DPP6: variants seen among roughly 807,000 people sequenced by gnomAD.
DPP6 encodes A-type potassium channel modulatory protein DPP6.
A neutral mutation model predicts 122.6 loss-of-function variants in DPP6; 69 were observed. That is an observed-to-expected ratio of 0.56 (90% CI 0.46 to 0.69). The LOEUF (loss-of-function observed/expected upper bound fraction) is 0.69. DPP6 is among the 30% of genes least tolerant of loss of function. The pLI is 0.00. For synonymous variants in DPP6, 418 were observed against 433.1 expected (o/e 0.97, Z 0.43); for missense variants, 928 against 1,116.9 (o/e 0.83, Z 2.41).
chr7:154,531,184 A>G (rs1827812700), intron 3 of DPP6, among the ~76,000 whole-genome samples: 1 of 152,172 alleles, frequency 6.6e-6, no homozygotes, highest in East Asian at 1.9e-4. Context: ...CCAGAATTTA[A>G]AATAAAAGTT....
chr7:154,734,692 A>G (rs1358531064), intron 8 of DPP6, among the ~76,000 whole-genome samples: 1 of 152,218 alleles, frequency 6.6e-6, no homozygotes, highest in African/African-American at 2.4e-5. Flanking sequence ...GATTAGCTTG[A>G]CAAAGCTCCT....
chr7:154,210,589 G>A (rs1424225286), intron 1 of DPP6, among the ~76,000 whole-genome samples: 3 of 152,168 alleles, frequency 2.0e-5, no homozygotes, highest in Admixed American at 6.5e-5. Context: ...TTTAACCTCA[G>A]TGTGTTGTCT....
intron 5 of DPP6, among the ~76,000 whole-genome samples, chr7:154,604,639 T>C (rs1419826600): frequency 8.2e-6 from 1 of 121,238 alleles, no homozygotes; most frequent in Non-Finnish European, 1.9e-5. Context: ...TAATTACTTC[T>C]GCATAATTTT....
At chr7:154,055,632 C>T (rs1227156819) in intron 1 of DPP6, 3 of 152,156 alleles carry the variant, frequency 2.0e-5, no homozygotes, top group Admixed American at 6.5e-5. Context: ...CTGACAACCT[C>T]AAGACAAACC....
chr7:154,806,913 G>A (rs559014386), intron 15 of DPP6, 81 bp from the exon 16 acceptor site: 49 of 1,560,188 alleles, frequency 3.1e-5, no homozygotes, highest in Non-Finnish European at 4.1e-5. Flanking sequence ...CTCATGGGGA[G>A]AGCCCACCAG....
At chr7:154,611,415 C>CA (rs1466004122) in intron 5 of DPP6, among the ~76,000 whole-genome samples, 1 of 151,908 alleles carries the variant, frequency 6.6e-6, no homozygotes, top group Non-Finnish European at 1.5e-5. Context: ...TGTGGGATGC[C>CA]AAAAAAGCCC....
intron 7 of DPP6, among the ~76,000 whole-genome samples, chr7:154,714,420 G>A (rs950302151): frequency 2.0e-5 from 3 of 152,150 alleles, no homozygotes; most frequent in Non-Finnish European, 4.4e-5. Flanking sequence ...CCTGAGACTG[G>A]GTAGTTTATA....
intron 1 of DPP6, among the ~76,000 whole-genome samples, chr7:153,893,192 T>C (rs1021678005): frequency 6.6e-6 from 1 of 152,216 alleles, no homozygotes; most frequent in African/African-American, 2.4e-5. Context: ...TTAGTTCATA[T>C]ATCCACTGGG....
intron 1 of DPP6, among the ~76,000 whole-genome samples, chr7:154,373,218 A>T (rs1812826086): frequency 6.6e-6 from 1 of 152,236 alleles, no homozygotes. Context: ...GAAGAGCCAG[A>T]ACTAGAAGGT....
chr7:154,742,636 A>G (rs1286675648), intron 8 of DPP6, among the ~76,000 whole-genome samples: 2 of 152,232 alleles, frequency 1.3e-5, no homozygotes, highest in African/African-American at 4.8e-5. Context: ...GAGACGCAAA[A>G]TAGCTCAGGG....
At chr7:154,302,126 A>G (rs1226343832) in intron 1 of DPP6, among the ~76,000 whole-genome samples, 1 of 152,098 alleles carries the variant, frequency 6.6e-6, no homozygotes, top group African/African-American at 2.4e-5. Flanking sequence ...AGATCTGTCA[A>G]ACTTATTCAT....
rs1404462546 is a variant in DPP6 at position 154,063,486 on chromosome 7, C to G, written c.243+10423C>G. ...AGGCAGGGACTGAGAGCCATTCCCT[C>G]TTCCCCCCCTGGCTCTTAAGACCCC... On this transcript the variant is annotated intron_variant, in intron 1 of 25. Coordinates refer to ENST00000377770, the MANE Select transcript of DPP6 (RefSeq NM_130797.4). Among the ~76,000 whole-genome samples the G allele has an allele frequency of 5.0e-4, 56 of 112,696 alleles. 3 individuals are homozygous for G. The highest frequency in any genetic ancestry group is 1.2e-3 in the African/African-American group (39 of 31,672). 73.9% of individuals were successfully genotyped at this position (112,696 alleles called of 152,430 possible). A position where few individuals can be genotyped will look rare whatever the true frequency, so the allele number is the denominator to read the frequency against.
chr7:153,901,292 A>G (rs1038378106), intron 1 of DPP6, among the ~76,000 whole-genome samples: 2 of 152,204 alleles, frequency 1.3e-5, no homozygotes, highest in Admixed American at 1.3e-4. Context: ...CTGCAAATAT[A>G]TGGGAAGTGG....
At chr7:153,964,913 C>CCTTCCTTTCTTTCTTTCTTT (rs1795587766) in intron 1 of DPP6, among the ~76,000 whole-genome samples, 1 of 113,366 alleles carries the variant, frequency 8.8e-6, no homozygotes, top group South Asian at 2.7e-4. Flanking sequence ...CTTTTCTTTT[C>CCTTCCTTTCTTTCTTTCTTT]CTTTCTTTCT....
chr7:154,279,284 AT>A (rs1804350739), intron 1 of DPP6, among the ~76,000 whole-genome samples: 1 of 152,154 alleles, frequency 6.6e-6, no homozygotes, highest in Non-Finnish European at 1.5e-5. Context: ...TTGTGTGTGT[AT>A]GAAGAACAAA....
chr7:154,009,893 TTTATA>T (rs1798080543), intron 1 of DPP6, among the ~76,000 whole-genome samples: 1 of 151,858 alleles, frequency 6.6e-6, no homozygotes, highest in African/African-American at 2.4e-5. Context: ...CAGTGACAAC[TTTATA>T]ATTAGGCATT....
At chr7:154,551,322 G>T (rs902742) in intron 4 of DPP6, among the ~76,000 whole-genome samples, 69,233 of 151,728 alleles carry the variant, frequency 0.46, 16,378 homozygotes, top group African/African-American at 0.56. Context: ...TCTCTTTTTT[G>T]GGGGAGGTGG....
At chr7:154,675,746 C>G (rs547970528) in intron 7 of DPP6, among the ~76,000 whole-genome samples, 23 of 152,202 alleles carry the variant, frequency 1.5e-4, no homozygotes, top group Admixed American at 1.3e-4. Flanking sequence ...TCTCCCCAAC[C>G]GCGAATGCTG....
chr7:154,334,204 C>T (rs1809198625), intron 1 of DPP6, among the ~76,000 whole-genome samples: 1 of 146,096 alleles, frequency 6.8e-6, no homozygotes, highest in South Asian at 2.2e-4. Context: ...AAAAAAAAAA[C>T]CTTTGCAAAG....
Sources: gnomAD v4.1 joint callset for allele counts (sites outside exome capture counted in the v4.1 genomes callset) on GRCh38, gnomAD v4.1.1 for gene constraint, MANE v1.5 for transcripts, NCBI Gene and HGNC (gene_info 2026-07-23, HGNC 2026-07-21) for gene names.